CSGALNACT1: variants seen among roughly 807,000 people sequenced by gnomAD.
CSGALNACT1 encodes beta4GalNAcT-1.
A neutral mutation model predicts 51.0 loss-of-function variants in CSGALNACT1; 52 were observed. That is an observed-to-expected ratio of 1.02 (90% CI 0.82 to 1.29). The LOEUF is 1.29. CSGALNACT1 is among the 50% of genes most tolerant of loss of function. CSGALNACT1 has a pLI of 0.00. For missense variants in CSGALNACT1, 935 were observed against 679.2 expected (o/e 1.38, Z -4.19); for synonymous variants, 341 against 254.4 (o/e 1.34, Z -3.24).
Position 19,505,421 on chromosome 8 carries a change from C to T in CSGALNACT1, c.414G>A (p.Lys138=), listed in dbSNP as rs778195131. The change falls in exon 4 of 10, where the codon AAG becomes AAA. Residue 138 remains lysine, a synonymous_variant. Transcript: ENST00000454498. Reference sequence around the variant, plus strand: ...GCACTGCTGCATACTCTGTGGCCAGCTTGACGCCAGCATTCACCTCTGCCT... The same window carrying T: ...GCACTGCTGCATACTCTGTGGCCAGTTTGACGCCAGCATTCACCTCTGCCT... 5 of 1,614,228 alleles carry T rather than the reference C, an allele frequency of 3.1e-6. No individual in the cohort carries two copies. The Admixed American group carries it at 6.7e-5, about 22-fold the overall frequency.
intron 3 of CSGALNACT1, among the ~76,000 whole-genome samples, chr8:19,574,191 G>A (rs1414842144): frequency 6.6e-6 from 1 of 152,080 alleles, no homozygotes; most frequent in Non-Finnish European, 1.5e-5. Flanking sequence ...GGAATTACAG[G>A]CACAAGCCAC....
chr8:19,490,746 A>G (rs1051277833), intron 4 of CSGALNACT1, among the ~76,000 whole-genome samples: 36 of 152,244 alleles, frequency 2.4e-4, no homozygotes, highest in Middle Eastern at 3.4e-3. Flanking sequence ...TCCTTCCCCA[A>G]AAAACCCTCA....
intron 1 of CSGALNACT1, among the ~76,000 whole-genome samples, chr8:19,733,417 A>G (rs2063794399): frequency 6.6e-6 from 1 of 152,180 alleles, no homozygotes; most frequent in Non-Finnish European, 1.5e-5. Context: ...TCAAAAACCT[A>G]TATTTTCTAT....
At chr8:19,541,993 G>A (rs1272554974) in intron 3 of CSGALNACT1, among the ~76,000 whole-genome samples, 1 of 152,094 alleles carries the variant, frequency 6.6e-6, no homozygotes, top group Non-Finnish European at 1.5e-5. Flanking sequence ...GAGGCAAGAT[G>A]TGTTTACACA....
chr8:19,440,019 G>T (rs2061049710), intron 5 of CSGALNACT1, 88 bp from the exon 5 acceptor site: 4 of 1,071,842 alleles, frequency 3.7e-6, no homozygotes, highest in Non-Finnish European at 5.7e-6. Context: ...AAGTGCAAAA[G>T]GGTCTTGAAG....
chr8:19,601,157 G>C (rs1443806888), intron 2 of CSGALNACT1, among the ~76,000 whole-genome samples: 2 of 152,156 alleles, frequency 1.3e-5, no homozygotes, highest in Non-Finnish European at 2.9e-5. Context: ...CTGGTTACAA[G>C]AGCAGAACTA....
At position 19,435,072 on chromosome 8, in the gene CSGALNACT1, T is replaced by A. The variant is rs12550030; in HGVS notation, c.953+4758A>T. Among the ~76,000 whole-genome samples the A allele has an allele frequency of 3.5e-3, 532 of 152,292 alleles. 12 individuals carry two copies. The highest frequency in any genetic ancestry group is 0.03 in the Admixed American group (457 of 15,300). ...GCAGGGCAGTGTCTCATTTCTAGCA[T>A]CTCAATCTCAGAGATGATTCCTCTG... On this transcript the variant is annotated intron_variant, in intron 6 of 9. Transcript: ENST00000454498.
rs534936545 is a variant in CSGALNACT1, at chr8:19,699,807, C to A, written c.-297+58043G>T. ...AAATTTTATGTTCAGTGTATTTCAT[C>A]AAAATTTTTAAAAGAACTTAGGGGC... On this transcript the variant is annotated intron_variant, in intron 1 of 1. Coordinates refer to the CSGALNACT1 transcript ENST00000517494. Among the ~76,000 whole-genome samples the A allele has an allele frequency of 1.6e-3, 239 of 152,148 alleles. 1 individual carries two copies. Among genetic ancestry groups the A allele is most frequent in the African/African-American group, 5.6e-3 (233 of 41,528 alleles).
chr8:19,499,162 C>T (rs1333421316), intron 4 of CSGALNACT1, among the ~76,000 whole-genome samples: 1 of 152,148 alleles, frequency 6.6e-6, no homozygotes, highest in Non-Finnish European at 1.5e-5. Context: ...TTAAAAATCC[C>T]CAAATCCTCT....
chr8:19,505,986 T>C, exon 4 of CSGALNACT1: 1 of 827,602 alleles, frequency 1.2e-6, no homozygotes, highest in Non-Finnish European at 2.0e-6. Context: ...TTCTGCCTCT[T>C]GGAGTTAACC....
chr8:19,557,302 C>A (rs1356286238), intron 3 of CSGALNACT1, among the ~76,000 whole-genome samples: 4 of 152,212 alleles, frequency 2.6e-5, no homozygotes, highest in Admixed American at 2.6e-4. Context: ...CTCCTCACTA[C>A]TATTCCTCTT....
chr8:19,756,737 C>G (rs1387224772), intron 1 of CSGALNACT1, among the ~76,000 whole-genome samples: 1 of 152,172 alleles, frequency 6.6e-6, no homozygotes, highest in South Asian at 2.1e-4. Flanking sequence ...CACGCCCCCT[C>G]CACCCTCTCC....
At chr8:19,533,495 T>G (rs2083177969) in intron 3 of CSGALNACT1, among the ~76,000 whole-genome samples, 1 of 152,172 alleles carries the variant, frequency 6.6e-6, no homozygotes, top group Admixed American at 6.5e-5. Context: ...CTTCCAAGAC[T>G]TATCAATATC....
At chr8:19,677,686 T>C (rs1288971941) in intron 1 of CSGALNACT1, among the ~76,000 whole-genome samples, 1 of 152,122 alleles carries the variant, frequency 6.6e-6, no homozygotes, top group African/African-American at 2.4e-5. Flanking sequence ...CTTCATAATG[T>C]TTTTACTTCA....
At chr8:19,704,695 T>C (rs748569952) in intron 1 of CSGALNACT1, among the ~76,000 whole-genome samples, 1 of 152,098 alleles carries the variant, frequency 6.6e-6, no homozygotes, top group Non-Finnish European at 1.5e-5. Context: ...GATGGATGGA[T>C]GGGTGGATAA....
At chr8:19,673,091 T>C (rs2059915381) in intron 1 of CSGALNACT1, among the ~76,000 whole-genome samples, 1 of 152,214 alleles carries the variant, frequency 6.6e-6, no homozygotes, top group Non-Finnish European at 1.5e-5. Context: ...AAGGGGCAAA[T>C]GTCGTCTTAC....
chr8:19,694,302 G>A (rs2061477229), intron 1 of CSGALNACT1, among the ~76,000 whole-genome samples: 1 of 152,156 alleles, frequency 6.6e-6, no homozygotes, highest in Non-Finnish European at 1.5e-5. Context: ...CATAAGTGTA[G>A]TAAGTACAGT....
chr8:19,587,862 C>T (rs2046985507), intron 3 of CSGALNACT1: 1 of 152,106 alleles, frequency 6.6e-6, no homozygotes, highest in Non-Finnish European at 1.5e-5. Context: ...TGATGGGTTT[C>T]ATATTTGTGA....
chr8:19,508,878 A>G (rs901335890), intron 3 of CSGALNACT1, among the ~76,000 whole-genome samples: 17 of 152,354 alleles, frequency 1.1e-4, no homozygotes, highest in African/African-American at 3.6e-4. Context: ...TAAAACTGGA[A>G]TATCTTTTTG....
Sources: gnomAD v4.1 joint callset for allele counts (sites outside exome capture counted in the v4.1 genomes callset) on GRCh38, gnomAD v4.1.1 for gene constraint, MANE v1.5 for transcripts, NCBI Gene and HGNC (gene_info 2026-07-23, HGNC 2026-07-21) for gene names.